The following MYO16 variants were observed in gnomAD, a reference collection of about 807,000 sequenced individuals.
The protein encoded by MYO16 is unconventional myosin-XVI.
In MYO16, 94 loss-of-function variants were observed where a neutral mutation model predicts 205.3. The observed-to-expected ratio is 0.46, with a 90% CI of 0.39 to 0.54. The LOEUF (loss-of-function observed/expected upper bound fraction) is 0.54. Ranked by LOEUF, MYO16 falls within the 20% of genes least tolerant of loss-of-function variation. MYO16 has a pLI of 0.00. For synonymous variants in MYO16, 988 were observed against 954.0 expected (o/e 1.04, Z -0.66); for missense variants, 2,315 against 2,387.5 (o/e 0.97, Z 0.63).
chr13:109,024,294 C>T (rs1238027027), intron 23 of MYO16, among the ~76,000 whole-genome samples: 2 of 151,638 alleles, frequency 1.3e-5, no homozygotes, highest in East Asian at 1.9e-4. Flanking sequence ...ATGATGATTT[C>T]AGGAAATTAC....
chr13:108,677,335 G>GTGTA (rs1247551957), intron 2 of MYO16, among the ~76,000 whole-genome samples: 4 of 87,474 alleles, frequency 4.6e-5, no homozygotes, highest in Non-Finnish European at 7.3e-5. Flanking sequence ...GTGTGTGTGT[G>GTGTA]TATATATATA....
At chr13:108,822,150 A>G (rs1305636585) in intron 8 of MYO16, among the ~76,000 whole-genome samples, 1 of 152,160 alleles carries the variant, frequency 6.6e-6, no homozygotes, top group African/African-American at 2.4e-5. Context: ...CTGTTATTTT[A>G]TGTTTCTTGA....
intron 1 of MYO16, among the ~76,000 whole-genome samples, chr13:108,619,493 T>A (rs1289905520): frequency 6.6e-6 from 1 of 152,178 alleles, no homozygotes; most frequent in African/African-American, 2.4e-5. Context: ...TTGAAATGTC[T>A]GCCTTGATAG....
chr13:108,724,293 CT>C (rs1884264374), intron 3 of MYO16, among the ~76,000 whole-genome samples: 1 of 152,110 alleles, frequency 6.6e-6, no homozygotes, highest in Non-Finnish European at 1.5e-5. Flanking sequence ...ATTAATTTGG[CT>C]TCTTATTCAT....
At chr13:108,876,903 T>C (rs1879353001) in intron 12 of MYO16, among the ~76,000 whole-genome samples, 1 of 152,200 alleles carries the variant, frequency 6.6e-6, no homozygotes, top group East Asian at 1.9e-4. Flanking sequence ...CCTGACCTCA[T>C]GATCTGCTCA....
intron 2 of MYO16, among the ~76,000 whole-genome samples, chr13:108,707,457 G>T (rs1396752787): frequency 6.6e-6 from 1 of 152,100 alleles, no homozygotes; most frequent in Non-Finnish European, 1.5e-5. Flanking sequence ...GCATAGTGAG[G>T]GTCGAGGGTC....
chr13:109,015,035 G>A (rs776033772), intron 22 of MYO16, among the ~76,000 whole-genome samples: 7 of 152,172 alleles, frequency 4.6e-5, no homozygotes, highest in East Asian at 1.9e-4. Context: ...TCCCTGTCTC[G>A]TGCCAGTTTG....
At chr13:108,858,860 C>A (rs998275709) in intron 11 of MYO16, among the ~76,000 whole-genome samples, 3 of 152,166 alleles carry the variant, frequency 2.0e-5, no homozygotes, top group Non-Finnish European at 4.4e-5. Context: ...ACGTCAGATG[C>A]TGGCACCCTA....
chr13:108,761,234 A>T (rs1299001998), intron 4 of MYO16, among the ~76,000 whole-genome samples: 1 of 152,170 alleles, frequency 6.6e-6, no homozygotes, highest in Non-Finnish European at 1.5e-5. Flanking sequence ...GAGCATTTGG[A>T]TAAGCTCATC....
chr13:108,541,874 TA>T, the MYO16 span, among the ~76,000 whole-genome samples: 1 of 152,182 alleles, frequency 6.6e-6, no homozygotes, highest in East Asian at 1.9e-4. Context: ...GAATGTAAAT[TA>T]GTTCAGCCAT....
At chr13:109,088,219 A>C (rs1036845390) in intron 27 of MYO16, among the ~76,000 whole-genome samples, 1 of 152,124 alleles carries the variant, frequency 6.6e-6, no homozygotes, top group Admixed American at 6.6e-5. Context: ...ACGGGTGCGG[A>C]GTCTGTGTTG....
chr13:108,571,021 T>G, the MYO16 span, among the ~76,000 whole-genome samples: 1 of 152,194 alleles, frequency 6.6e-6, no homozygotes, highest in South Asian at 2.1e-4. Flanking sequence ...TAATTTTGGG[T>G]TTTTGGTATA....
chr13:109,061,679 G>T (rs1005517023), intron 27 of MYO16, among the ~76,000 whole-genome samples: 1 of 152,106 alleles, frequency 6.6e-6, no homozygotes. Context: ...CTGACCACAG[G>T]TCACCATAAC....
At chr13:108,719,075 G>C (rs1375554414) in intron 3 of MYO16, among the ~76,000 whole-genome samples, 1 of 152,084 alleles carries the variant, frequency 6.6e-6, no homozygotes, top group African/African-American at 2.4e-5. Flanking sequence ...ATAGCAACTA[G>C]ATTTTGTGTT....
rs61743216 is a variant in MYO16, at chr13:108,910,089, A to T, written c.1864A>T (p.Met622Leu). The T allele has an allele frequency of 2.5e-6, 4 of 1,613,402 alleles. No homozygotes were observed. Among genetic ancestry groups the T allele is most frequent in the Non-Finnish European group, 3.4e-6 (4 of 1,179,558 alleles). The stretch of plus-strand genomic sequence containing the variant: ...CAATTTTCTCATTTTCTACTTGTTG[A>T]TGGATGGGTTATCTGCTGAAGAAAA... The part of the protein sequence containing the change: ...QSNFLIFYLL[M>L]DGLSAEEKYG... Residue 622 changes from methionine (M) to leucine (L), a missense_variant, in exon 16 of 35, where the codon ATG becomes TTG. Transcript: ENST00000457511.
At chr13:108,947,603 G>A (rs1025973019) in intron 16 of MYO16, among the ~76,000 whole-genome samples, 4 of 152,222 alleles carry the variant, frequency 2.6e-5, no homozygotes, top group Non-Finnish European at 5.9e-5. Flanking sequence ...ACAAGGCTCG[G>A]GGATGAGTTC....
At chr13:108,580,934 A>G in the MYO16 span, among the ~76,000 whole-genome samples, 1 of 152,228 alleles carries the variant, frequency 6.6e-6, no homozygotes. Flanking sequence ...AAGAATACTG[A>G]GAAAAATGAA....
At chr13:108,956,749 G>A (rs1052715878) in intron 16 of MYO16, among the ~76,000 whole-genome samples, 3 of 152,144 alleles carry the variant, frequency 2.0e-5, no homozygotes, top group East Asian at 1.9e-4. Context: ...TTTCGCCACT[G>A]TGTTTCCTCA....
chr13:109,072,753 A>G (rs1490152493), intron 27 of MYO16, among the ~76,000 whole-genome samples: 1 of 152,232 alleles, frequency 6.6e-6, no homozygotes, highest in African/African-American at 2.4e-5. Flanking sequence ...GTGATAAGAC[A>G]TAGAATATTT....
Sources: gnomAD v4.1 joint callset for allele counts (sites outside exome capture counted in the v4.1 genomes callset) on GRCh38, gnomAD v4.1.1 for gene constraint, MANE v1.5 for transcripts, NCBI Gene and HGNC (gene_info 2026-07-23, HGNC 2026-07-21) for gene names.